The following GRM5 variants were observed in gnomAD, a reference collection of about 807,000 sequenced individuals.
The protein encoded by GRM5 is glutamate metabotropic receptor 5, also known as metabotropic glutamate receptor 5.
In GRM5, 19 loss-of-function variants were observed where a neutral mutation model predicts 83.1. That is an observed-to-expected ratio of 0.23 (90% CI 0.16 to 0.34). GRM5 has a LOEUF of 0.34. GRM5 is among the 10% of genes least tolerant of loss of function. The probability of loss-of-function intolerance (pLI) is 1.00; values close to 1 mark genes in which losing one functional copy is unlikely to be tolerated. For missense variants in GRM5, 1,160 were observed against 1,588.3 expected (o/e 0.73, Z 4.58); for synonymous variants, 675 against 633.6 (o/e 1.07, Z -0.98).
chr11:88,835,873 T>C (rs1944085654), intron 3 of GRM5, among the ~76,000 whole-genome samples: 1 of 152,218 alleles, frequency 6.6e-6, no homozygotes, highest in African/African-American at 2.4e-5. Flanking sequence ...CTGTTGCAAT[T>C]GCTTTGAACA....
chr11:88,865,941 A>T (rs893531541), intron 2 of GRM5, among the ~76,000 whole-genome samples: 1 of 152,054 alleles, frequency 6.6e-6, no homozygotes, highest in Non-Finnish European at 1.5e-5. Flanking sequence ...AAATAGGAAC[A>T]CTTTTACACT....
intron 6 of GRM5, 133 bp downstream of exon 6, chr11:88,597,047 ATGAG>A: frequency 1.8e-6 from 1 of 556,198 alleles, no homozygotes. Context: ...TTCACAAGGA[ATGAG>A]TGAGAATTTC....
At chr11:89,040,978 C>G (rs1941518575) in intron 2 of GRM5, among the ~76,000 whole-genome samples, 1 of 152,190 alleles carries the variant, frequency 6.6e-6, no homozygotes. Context: ...AAGCTGTACA[C>G]TGGAACATAA....
chr11:88,531,129 T>C (rs1421846771), intron 8 of GRM5, among the ~76,000 whole-genome samples: 3 of 152,246 alleles, frequency 2.0e-5, no homozygotes, highest in Admixed American at 6.5e-5. Flanking sequence ...CATTTTTGTA[T>C]GTAAGGGTGT....
chr11:88,845,365 T>C (rs1461466856), intron 3 of GRM5, among the ~76,000 whole-genome samples: 1 of 151,010 alleles, frequency 6.6e-6, no homozygotes, highest in East Asian at 1.9e-4. Context: ...AAGATTTATA[T>C]ATTTTTAGAC....
intron 2 of GRM5, among the ~76,000 whole-genome samples, chr11:88,942,110 T>C (rs1055128416): frequency 6.6e-6 from 1 of 152,050 alleles, no homozygotes; most frequent in African/African-American, 2.4e-5. Context: ...GGACATCTTT[T>C]AGATAACTGG....
intron 2 of GRM5, among the ~76,000 whole-genome samples, chr11:88,950,257 C>A (rs538173517): frequency 6.6e-6 from 1 of 151,066 alleles, no homozygotes; most frequent in Admixed American, 6.6e-5. Flanking sequence ...AGAAAAATAC[C>A]AGGAATATGT....
chr11:88,906,725 T>G (rs1428442298), intron 2 of GRM5, among the ~76,000 whole-genome samples: 1 of 152,208 alleles, frequency 6.6e-6, no homozygotes, highest in Non-Finnish European at 1.5e-5. Context: ...AAATATGAGC[T>G]ATGTAACCTT....
intron 3 of GRM5, among the ~76,000 whole-genome samples, chr11:88,654,296 T>G (rs773214197): frequency 1.4e-4 from 21 of 152,064 alleles, no homozygotes; most frequent in Non-Finnish European, 2.6e-4. Flanking sequence ...CATGAAACAT[T>G]GTATTGGAAA....
chr11:88,589,748 C>A (rs1488663406), intron 7 of GRM5, among the ~76,000 whole-genome samples: 1 of 152,154 alleles, frequency 6.6e-6, no homozygotes, highest in East Asian at 1.9e-4. Context: ...CCTCATGCTC[C>A]TATGTCTATA....
chr11:88,621,291 C>T (rs932361779), intron 4 of GRM5, among the ~76,000 whole-genome samples: 1 of 152,154 alleles, frequency 6.6e-6, no homozygotes, highest in Non-Finnish European at 1.5e-5. Context: ...TATATTTTAA[C>T]TGTGTTTTAT....
At chr11:88,638,323 A>G (rs965364504) in intron 4 of GRM5, among the ~76,000 whole-genome samples, 2 of 152,092 alleles carry the variant, frequency 1.3e-5, no homozygotes, top group Admixed American at 6.5e-5. Flanking sequence ...AAATTTAAAA[A>G]AAGGTATTAT....
At chr11:88,672,671 A>G (rs1004823121) in intron 3 of GRM5, among the ~76,000 whole-genome samples, 1 of 151,968 alleles carries the variant, frequency 6.6e-6, no homozygotes, top group Non-Finnish European at 1.5e-5. Context: ...AGGAGCAAAC[A>G]CTATGGTCCA....
intron 8 of GRM5, among the ~76,000 whole-genome samples, chr11:88,555,451 CATTAT>C (rs1942603537): frequency 6.6e-6 from 1 of 152,118 alleles, no homozygotes; most frequent in Non-Finnish European, 1.5e-5. Context: ...CTGGGAGCCT[CATTAT>C]ATTCACCATG....
chr11:88,942,246 A>T (rs1452275575), intron 2 of GRM5, among the ~76,000 whole-genome samples: 1 of 152,060 alleles, frequency 6.6e-6, no homozygotes, highest in Non-Finnish European at 1.5e-5. Flanking sequence ...TTATTGATGA[A>T]ATGTCATGAC....
intron 8 of GRM5, among the ~76,000 whole-genome samples, chr11:88,550,830 C>T (rs1942491030): frequency 6.6e-6 from 1 of 152,132 alleles, no homozygotes; most frequent in Non-Finnish European, 1.5e-5. Flanking sequence ...ACCAGTCTTT[C>T]AAATACAATC....
intron 3 of GRM5, among the ~76,000 whole-genome samples, chr11:88,680,026 T>G (rs74526128): frequency 0.032 from 4,827 of 152,270 alleles, 244 homozygotes; most frequent in African/African-American, 0.11. Context: ...TCTCTGCTGT[T>G]GTGCTGGTAA....
At chr11:88,572,020 G>A (rs1565344037) in intron 7 of GRM5, among the ~76,000 whole-genome samples, 1 of 152,160 alleles carries the variant, frequency 6.6e-6, no homozygotes, top group Non-Finnish European at 1.5e-5. Context: ...CAAGAAGAAA[G>A]GCTTTGTAGC....
intron 3 of GRM5, among the ~76,000 whole-genome samples, chr11:88,803,950 GGCC>G (rs1328015775): frequency 2.6e-5 from 4 of 151,910 alleles, no homozygotes; most frequent in African/African-American, 9.7e-5. Context: ...CACCATCACT[GGCC>G]ATCAGAGAAA....
Sources: gnomAD v4.1 joint callset for allele counts (sites outside exome capture counted in the v4.1 genomes callset) on GRCh38, gnomAD v4.1.1 for gene constraint, MANE v1.5 for transcripts, NCBI Gene and HGNC (gene_info 2026-07-23, HGNC 2026-07-21) for gene names.